Variants in CASD1 observed in about 807,000 individuals in gnomAD.
CASD1 encodes the protein N-acetylneuraminate (7)9-O-acetyltransferase.
CASD1 carries 41 observed loss-of-function variants against 100.0 expected under a neutral mutation model. That is an observed-to-expected ratio of 0.41 (90% CI 0.32 to 0.53). CASD1 has a LOEUF of 0.53. Ranked by LOEUF, CASD1 falls within the 20% of genes least tolerant of loss-of-function variation. The probability of loss-of-function intolerance (pLI) is 0.25; values close to 1 mark genes in which losing one functional copy is unlikely to be tolerated. For missense variants in CASD1, 774 were observed against 948.7 expected, an observed-to-expected ratio of 0.82 and a Z score of 2.42; for synonymous variants, 321 against 315.6, an observed-to-expected ratio of 1.02 and a Z score of -0.18.
intron 5 of CASD1, among the ~76,000 whole-genome samples, chr7:94,529,765 T>G (rs1371843308): frequency 2.0e-5 from 3 of 152,084 alleles, no homozygotes; most frequent in Non-Finnish European, 4.4e-5. Flanking sequence ...AACACAGAAT[T>G]GAGCTCAAAG....
chr7:94,549,820 G>A (rs577169295), intron 14 of CASD1, among the ~76,000 whole-genome samples, 186 bp downstream of exon 14: 1 of 151,974 alleles, frequency 6.6e-6, no homozygotes, highest in South Asian at 2.1e-4. Flanking sequence ...GTATGCATGT[G>A]TATATATATA....
the CASD1 span, chr7:94,616,978 G>A: frequency 1.3e-5 from 2 of 152,194 alleles, no homozygotes; most frequent in Non-Finnish European, 2.9e-5. Context: ...AATGCCACGG[G>A]ACTGATTCTC....
chr7:94,623,318 TACCTACC>T, the CASD1 span: 1 of 1,537,736 alleles, frequency 6.5e-7, no homozygotes, highest in Non-Finnish European at 9.0e-7. Flanking sequence ...CATATTTTCA[TACCTACC>T]TTCTGCAGAC....
chr7:94,512,686 C>T (rs1304454433), intron 1 of CASD1, among the ~76,000 whole-genome samples: 1 of 152,190 alleles, frequency 6.6e-6, no homozygotes, highest in East Asian at 1.9e-4. Context: ...CCATATTTCA[C>T]TCCTCTCCAC....
intron 1 of CASD1, among the ~76,000 whole-genome samples, chr7:94,515,705 A>C (rs1793944854): frequency 6.6e-6 from 1 of 152,102 alleles, no homozygotes; most frequent in African/African-American, 2.4e-5. Context: ...AAAAGACAAA[A>C]GGCAAATAAC....
the CASD1 span, chr7:94,625,804 A>C: frequency 1.3e-5 from 2 of 151,994 alleles, no homozygotes; most frequent in Non-Finnish European, 2.9e-5. Context: ...TTGGGTCTCT[A>C]TTGTTTTGTG....
At chr7:94,550,581 C>T (rs1380375902) in intron 14 of CASD1, among the ~76,000 whole-genome samples, 4 of 152,006 alleles carry the variant, frequency 2.6e-5, no homozygotes, top group African/African-American at 9.7e-5. Context: ...AAAATCACAC[C>T]AGCAGATTTG....
chr7:94,523,365 TG>T (rs1258806331), intron 3 of CASD1, among the ~76,000 whole-genome samples: 7 of 152,194 alleles, frequency 4.6e-5, no homozygotes, highest in African/African-American at 1.7e-4. Flanking sequence ...ATACAAAAAT[TG>T]TGATACCTCA....
At chr7:94,621,695 A>G in the CASD1 span, 1 of 152,198 alleles carries the variant, frequency 6.6e-6, no homozygotes, top group East Asian at 1.9e-4. Flanking sequence ...TTATAACTGT[A>G]ATGATGAATT....
intron 15 of CASD1, 22 bp from the exon 16 acceptor site, chr7:94,552,328 T>G (rs1795990488): frequency 1.3e-6 from 2 of 1,593,028 alleles, no homozygotes; most frequent in East Asian, 4.5e-5. Context: ...TTTTGAACTT[T>G]TCCATACATT....
At chr7:94,519,992 C>A (rs758928445) in intron 3 of CASD1, among the ~76,000 whole-genome samples, 1 of 152,060 alleles carries the variant, frequency 6.6e-6, no homozygotes, top group Non-Finnish European at 1.5e-5. Context: ...GTTTCTGAGC[C>A]CTAGTTGCAA....
At chr7:94,565,613 G>A in the CASD1 span, among the ~76,000 whole-genome samples, 1 of 152,078 alleles carries the variant, frequency 6.6e-6, no homozygotes, top group Non-Finnish European at 1.5e-5. Flanking sequence ...CCTCCACCAG[G>A]ACATTCTCCC....
chr7:94,516,916 T>A (rs1047342081), intron 1 of CASD1, among the ~76,000 whole-genome samples: 18 of 148,926 alleles, frequency 1.2e-4, no homozygotes, highest in East Asian at 5.9e-4. Flanking sequence ...TTTTTTTTTT[T>A]AAAATGAGGC....
chr7:94,582,058 T>A, the CASD1 span, among the ~76,000 whole-genome samples: 200 of 152,240 alleles, frequency 1.3e-3, 2 homozygotes, highest in African/African-American at 7.2e-4. Flanking sequence ...ACTTTTTTTT[T>A]AATAATAGCC....
At chr7:94,531,700 G>A (rs1794860524) in intron 5 of CASD1, among the ~76,000 whole-genome samples, 1 of 151,984 alleles carries the variant, frequency 6.6e-6, no homozygotes, top group African/African-American at 2.4e-5. Context: ...TTTACAGTAA[G>A]CATGTATTAC....
chr7:94,594,165 G>C, the CASD1 span, among the ~76,000 whole-genome samples: 1 of 152,018 alleles, frequency 6.6e-6, no homozygotes, highest in African/African-American at 2.4e-5. Context: ...GGTCAAATAC[G>C]TAATAGATTT....
intron 5 of CASD1, among the ~76,000 whole-genome samples, chr7:94,531,957 C>T (rs1367941950): frequency 6.6e-6 from 1 of 151,888 alleles, no homozygotes; most frequent in Admixed American, 6.6e-5. Flanking sequence ...CTTGCCTGCC[C>T]CACAGGGTGG....
intron 10 of CASD1, among the ~76,000 whole-genome samples, chr7:94,543,640 G>A (rs1245621983): frequency 7.3e-6 from 1 of 137,378 alleles, no homozygotes; most frequent in Non-Finnish European, 1.6e-5. Context: ...GGGCGACAGA[G>A]TGAGACTGTC....
the CASD1 span, chr7:94,630,040 T>A: frequency 1.7e-6 from 1 of 572,072 alleles, no homozygotes; most frequent in Non-Finnish European, 3.0e-6. Flanking sequence ...AAAAAATTCT[T>A]TTGATTTGTG....
Sources: gnomAD v4.1 joint callset for allele counts (sites outside exome capture counted in the v4.1 genomes callset) on GRCh38, gnomAD v4.1.1 for gene constraint, MANE v1.5 for transcripts, NCBI Gene and HGNC (gene_info 2026-07-23, HGNC 2026-07-21) for gene names.